Variants in GLS2 observed in about 807,000 individuals in gnomAD.
GLS2 encodes the protein glutaminase 2.
In GLS2, 52 loss-of-function variants were observed where a neutral mutation model predicts 79.0. The ratio of observed to expected loss-of-function variants is 0.66; its 90% CI spans 0.53 to 0.83. The LOEUF is 0.83. GLS2 is among the 40% of genes least tolerant of loss of function. The pLI is 0.00. For missense variants in GLS2, 561 were observed against 764.8 expected, an observed-to-expected ratio of 0.73 and a Z score of 3.14; for synonymous variants, 238 against 280.8, an observed-to-expected ratio of 0.85 and a Z score of 1.52.
chr12:56,480,414 A>T, intron 1 of GLS2, 27 bp from the exon 2 acceptor site: 1 of 1,584,266 alleles, frequency 6.3e-7, no homozygotes, highest in Non-Finnish European at 8.7e-7. Flanking sequence ...AATGGGGAGG[A>T]AAGTGGGGCC....
intron 3 of GLS2, 44 bp from the exon 4 acceptor site, chr12:56,479,225 G>T (rs764062797): frequency 6.2e-7 from 1 of 1,604,696 alleles, no homozygotes; most frequent in African/African-American, 1.3e-5. Context: ...GAGAAATGCA[G>T]CTGGGACTCA....
Position 56,478,005 on chromosome 12 carries a change from C to T in GLS2, c.706G>A (p.Asp236Asn). Residue 236 changes from aspartate to asparagine, a missense_variant, in exon 6 of 18, where the codon GAC becomes AAC. Physicochemically the swap from Asp to Asn is conservative, Grantham distance 23 (BLOSUM62 1). Around this residue, in one of 4 missense-constraint regions of GLS2, gnomAD observed 221 missense variants for 275.6 expected, o/e 0.80. Coordinates refer to ENST00000311966, the MANE Select transcript of GLS2 (RefSeq NM_013267.4). Reference sequence around the variant, plus strand: ...TTGCCCACAAACTTGTGCACGTAGTCAGTGCCTAGGGTGCTTATGGAGATG... The same window carrying T: ...TTGCCCACAAACTTGTGCACGTAGTTAGTGCCTAGGGTGCTTATGGAGATG... ...YAISISTLGT[D>N]YVHKFVGKEP... 6.2e-7 allele frequency: 1 copy of T among 1,614,228 alleles called. No homozygotes were observed. The highest frequency in any genetic ancestry group is 8.5e-7 in the Non-Finnish European group (1 of 1,180,040).
rs752459345 is a variant in GLS2 at position 56,475,614 on chromosome 12, A to G, written c.929+10T>C. 1 of 1,613,614 alleles carries G rather than the reference A, an allele frequency of 6.2e-7. No individual in the cohort carries two copies. The highest frequency in any genetic ancestry group is 2.2e-5 in the East Asian group (1 of 44,880). On this transcript the variant is annotated intron_variant, in intron 9 of 17. Coordinates refer to ENST00000311966, the MANE Select transcript of GLS2 (RefSeq NM_013267.4). ...AATGCTTTCAGTCAGTCCTCTGAGT[A>G]GGGACTTACGTGGCATTGCTGAAAC...
At chr12:56,475,311 A>C in intron 9 of GLS2, 1 of 1,351,324 alleles carries the variant, frequency 7.4e-7, no homozygotes, top group Non-Finnish European at 1.0e-6. Context: ...AGTAAACCCA[A>C]ACCAAACACC....
rs148438742 is a variant in GLS2, at chr12:56,477,362, G to A, written c.837+298C>T. The stretch of plus-strand genomic sequence containing the variant: ...CCTTGTCTCTGGCATTTGGCCCTTG[G>A]TCCTAGGCAGGGGTCAGGACCTGCT... On this transcript the variant is annotated intron_variant, in intron 7 of 17. Transcript: ENST00000311966. 185 of 256,166 alleles carry A rather than the reference G, an allele frequency of 7.2e-4. 1 individual carries two copies. Among genetic ancestry groups the A allele is most frequent in the African/African-American group, 3.9e-3 (176 of 44,946 alleles). 15.9% of individuals were successfully genotyped at this position (256,166 alleles called of 1,614,324 possible). A position where few individuals can be genotyped will look rare whatever the true frequency, so the allele number is the denominator to read the frequency against.
chr12:56,487,852 G>A, intron 1 of GLS2, 85 bp downstream of exon 1: 1 of 1,442,202 alleles, frequency 6.9e-7, no homozygotes, highest in Non-Finnish European at 9.3e-7. Flanking sequence ...GAGCGGCGCT[G>A]CCTTGGAAGG....
At chr12:56,487,842 G>A (rs1425465885) in intron 1 of GLS2, 95 bp downstream of exon 1, 5 of 1,362,686 alleles carry the variant, frequency 3.7e-6, no homozygotes, top group Non-Finnish European at 4.9e-6. Context: ...GAGGGGAGAT[G>A]AGCGGCGCTG....
intron 4 of GLS2, 198 bp downstream of exon 4, chr12:56,478,854 A>G (rs911019436): frequency 1.7e-6 from 1 of 584,880 alleles, no homozygotes; most frequent in Non-Finnish European, 2.9e-6. Context: ...TTAGTCGGGC[A>G]TGGTGGTGTA....
chr12:56,474,613 T>G lies in GLS2; in HGVS notation c.1155A>C (p.Ala385=), dbSNP rs1869625578. 2 of 1,614,230 alleles carry G rather than the reference T, an allele frequency of 1.2e-6. No individual in the cohort carries two copies. Residue 385 remains alanine (A), a synonymous_variant, in exon 12 of 18, where the codon GCA becomes GCC. Coordinates refer to ENST00000311966, the MANE Select transcript of GLS2 (RefSeq NM_013267.4). ...GCATGAGGCTGAGGGTGTTGCGCAC[T>G]GCTTCAGCACTCAGCACACTCTCGC... ...ITGESVLSAE[A]VRNTLSLMHS...
chr12:56,484,447 G>T (rs553336636), intron 1 of GLS2, among the ~76,000 whole-genome samples: 1 of 152,258 alleles, frequency 6.6e-6, no homozygotes, highest in African/African-American at 2.4e-5. Context: ...TACTCAAACA[G>T]CTTGGCATAG....
Position 56,480,328 on chromosome 12 carries a change from G to A in GLS2, c.242C>T (p.Ala81Val), listed in dbSNP as rs1216992750. 1.9e-6 allele frequency: 3 copies of A among 1,614,158 alleles called. No homozygotes were observed. Among genetic ancestry groups the A allele is most frequent in the East Asian group, 4.5e-5 (2 of 44,886 alleles). Residue 81 changes from alanine (A) to valine (V), a missense_variant, in exon 2 of 18, where the codon GCT becomes GTT. Ala to Val is a moderately conservative substitution (Grantham distance 64). This residue lies in a region of GLS2 where 161 missense variants were observed against 167.8 expected (regional missense o/e 0.96). Transcript: ENST00000311966. ...RLGDLLFYTI[A>V]EGQERIPIHK... ...GATAGGGATTCGTTCCTGTCCTTCA[G>A]CAATAGTGTAAAAGAGCAAATCACC...
At chr12:56,476,162 TTTC>T (rs1869792664) in intron 7 of GLS2, 185 bp from the exon 8 acceptor site, 2 of 512,104 alleles carry the variant, frequency 3.9e-6, no homozygotes, top group Non-Finnish European at 3.4e-6. Flanking sequence ...TCTCTTTCTC[TTTC>T]TTTTTTTTGA....
intron 1 of GLS2, 35 bp from the exon 2 acceptor site, chr12:56,480,422 G>T (rs370977058): frequency 1.3e-6 from 2 of 1,531,022 alleles, no homozygotes. Flanking sequence ...GGAAAGTGGG[G>T]CCTGAGAACT....
intron 12 of GLS2, 48 bp from the exon 13 acceptor site, chr12:56,473,642 C>A (rs1869516315): frequency 6.4e-7 from 1 of 1,569,506 alleles, no homozygotes; most frequent in Non-Finnish European, 8.7e-7. Flanking sequence ...TGCCCCAAAT[C>A]AGAAAATAAA....
chr12:56,475,187 G>A, intron 9 of GLS2, 77 bp from the exon 10 acceptor site: 5 of 1,606,854 alleles, frequency 3.1e-6, no homozygotes, highest in South Asian at 2.2e-5. Context: ...ACCTTCCCTG[G>A]AGAGACAGAA....
intron 1 of GLS2, among the ~76,000 whole-genome samples, chr12:56,485,091 A>G (rs1212172627): frequency 1.3e-5 from 2 of 152,184 alleles, no homozygotes; most frequent in Non-Finnish European, 2.9e-5. Flanking sequence ...ACATTCGATG[A>G]TATTAAAAGC....
chr12:56,478,575 G>C (rs546551551), intron 4 of GLS2: 1 of 340,232 alleles, frequency 2.9e-6, no homozygotes, highest in Non-Finnish European at 5.5e-6. Context: ...GGCTCTATTC[G>C]ATCTTGATTC....
At position 56,472,133 on chromosome 12, in the gene GLS2, A is replaced by G. The variant is rs1869335052; in HGVS notation, c.1574T>C (p.Val525Ala). 1 of 1,614,044 alleles carries G rather than the reference A, an allele frequency of 6.2e-7. No homozygotes were observed. The highest frequency in any genetic ancestry group is 8.5e-7 in the Non-Finnish European group (1 of 1,180,022). ...CCCTTCAGTACCTTCAGCTGCAGCA[A>G]CATGCAGAGCTGTGCGCGAGTCATA... The part of the protein sequence containing the change: ...KDYDSRTALH[V>A]AAAEGHIEVV... The change falls in exon 16 of 18, where the codon GTT becomes GCT. Residue 525 changes from valine (V) to alanine (A), a missense_variant. Val to Ala is a moderately conservative substitution (Grantham distance 64). This residue lies in a region of GLS2 where 136 missense variants were observed against 228.6 expected (regional missense o/e 0.59). Coordinates refer to ENST00000311966, the MANE Select transcript of GLS2 (RefSeq NM_013267.4).
intron 11 of GLS2, 54 bp downstream of exon 11, chr12:56,474,786 AAAGGGC>A: frequency 1.2e-6 from 2 of 1,613,268 alleles, no homozygotes; most frequent in South Asian, 2.2e-5. Context: ...GGGTGTAGGG[AAAGGGC>A]AAGGGCAAGG....
Sources: gnomAD v4.1 joint callset for allele counts (sites outside exome capture counted in the v4.1 genomes callset) on GRCh38, gnomAD v4.1.1 for gene constraint, gnomAD v4.1.1 regional missense constraint, MANE v1.5 for transcripts, NCBI Gene and HGNC (gene_info 2026-07-23, HGNC 2026-07-21) for gene names.